FGFR2: variants seen among roughly 807,000 people sequenced by gnomAD.
FGFR2 encodes BEK fibroblast growth factor receptor.
Under a neutral mutation model 95.9 loss-of-function variants are expected in FGFR2, and 19 were observed. The observed-to-expected ratio is 0.20, with a 90% CI of 0.14 to 0.29. The LOEUF is 0.29. Ranked by LOEUF, FGFR2 falls within the 10% of genes least tolerant of loss-of-function variation. The pLI is 1.00. For synonymous variants in FGFR2, 392 were observed against 393.3 expected (o/e 1.00, Z 0.04); for missense variants, 707 against 1,056.9 (o/e 0.67, Z 4.59).
intron 4 of FGFR2, among the ~76,000 whole-genome samples, chr10:121,555,268 G>A (rs185482969): frequency 2.9e-4 from 44 of 152,278 alleles, no homozygotes; most frequent in East Asian, 1.9e-3. Context: ...AGCTACTAGG[G>A]AGGGTGAGGC....
At position 121,480,031 on chromosome 10, in the gene FGFR2, G is replaced by A. The variant is rs1187858184; in HGVS notation, c.2302-10C>T. On this transcript the variant is annotated splice_polypyrimidine_tract_variant and intron_variant, in intron 17 of 17. Coordinates refer to ENST00000358487, the MANE Select transcript of FGFR2 (RefSeq NM_000141.5). The stretch of plus-strand genomic sequence containing the variant: ...TGAGGTCCAAGTATTCCTGAAAGAA[G>A]GGAAGAGAGACGTTTTATTTCATCT... 2.5e-6 allele frequency: 4 copies of A among 1,612,730 alleles called. No individual in the cohort carries two copies. The African/African-American group carries it at 4.0e-5, about 16-fold the overall frequency.
intron 9 of FGFR2, among the ~76,000 whole-genome samples, chr10:121,510,696 CTTGGTCCTA>C (rs1359675452): frequency 1.3e-5 from 2 of 152,166 alleles, no homozygotes; most frequent in Non-Finnish European, 2.9e-5. Context: ...CCCCCTTCAT[CTTGGTCCTA>C]TTCCTAACGT....
rs879253719 is a variant in FGFR2 at position 121,517,464 on chromosome 10, C to T, written c.940-1G>A. ...TGTCCGTGGTGTTAACACCGGCGGC[C>T]TAGAAAACAAGGGAAGCAAAAGAAA... On this transcript the variant is annotated splice_acceptor_variant, in intron 7 of 17. Transcript: ENST00000358487. LOFTEE classifies it high-confidence loss of function. This position sits in a 1 kb window ranked among gnomAD's most constrained non-coding sequence, Gnocchi z 4.7. 6.2e-7 allele frequency: 1 copy of T among 1,614,074 alleles called. No homozygotes were observed. Among genetic ancestry groups the T allele is most frequent in the East Asian group, 2.2e-5 (1 of 44,872 alleles).
chr10:121,481,162 C>T (rs1250562376), intron 17 of FGFR2, among the ~76,000 whole-genome samples: 2 of 152,090 alleles, frequency 1.3e-5, no homozygotes, highest in African/African-American at 4.8e-5. Context: ...GTTGCCGACC[C>T]CTGTTCTGAA....
rs375477615 is a variant in FGFR2 at position 121,565,426 on chromosome 10, G to A, written c.376+12C>T. 42 of 1,613,732 alleles carry A rather than the reference G, an allele frequency of 2.6e-5. No homozygotes were observed. The highest frequency in any genetic ancestry group is 4.5e-5 in the East Asian group (2 of 44,900). The stretch of plus-strand genomic sequence containing the variant: ...AGAGAAGAGAGAGCATAGTGCTGGC[G>A]GGCCAACTCACCTGTGACATTCACC... On this transcript the variant is annotated intron_variant, in intron 3 of 17. Coordinates refer to ENST00000358487, the MANE Select transcript of FGFR2 (RefSeq NM_000141.5).
At chr10:121,577,443 G>A (rs1014312262) in intron 2 of FGFR2, among the ~76,000 whole-genome samples, 1 of 151,982 alleles carries the variant, frequency 6.6e-6, no homozygotes, top group African/African-American at 2.4e-5. Context: ...AGTGTGGAAG[G>A]TCAGGAAATG....
chr10:121,486,424 T>C (rs575862125), intron 15 of FGFR2, among the ~76,000 whole-genome samples: 7 of 152,248 alleles, frequency 4.6e-5, no homozygotes, highest in African/African-American at 1.7e-4. Flanking sequence ...CTCCTGCTCA[T>C]ACAAATAAAA....
intron 11 of FGFR2, 50 bp downstream of exon 11, chr10:121,500,776 A>G (rs574447558): frequency 3.1e-6 from 5 of 1,608,588 alleles, no homozygotes; most frequent in South Asian, 1.1e-5. Flanking sequence ...AACTTTCTTG[A>G]TAAGACTCTC....
At chr10:121,593,679 A>G (rs1863007680) in intron 2 of FGFR2, 30 bp downstream of exon 2, 1 of 1,602,264 alleles carries the variant, frequency 6.2e-7, no homozygotes, top group East Asian at 2.2e-5. Context: ...ATCCCAAAAC[A>G]AACCTGAAAA....
chr10:121,559,657 A>G (rs1169149268), intron 4 of FGFR2, among the ~76,000 whole-genome samples: 1 of 152,218 alleles, frequency 6.6e-6, no homozygotes, highest in Non-Finnish European at 1.5e-5. Flanking sequence ...ACTGCAGAGC[A>G]CCCATTTCAG....
chr10:121,539,743 G>A (rs1197552061), intron 5 of FGFR2, among the ~76,000 whole-genome samples: 1 of 152,204 alleles, frequency 6.6e-6, no homozygotes, highest in Non-Finnish European at 1.5e-5. Flanking sequence ...GACCTTCTGA[G>A]CCATGCCCTG....
chr10:121,532,278 A>G (rs2134492780), intron 6 of FGFR2, among the ~76,000 whole-genome samples: 1 of 152,266 alleles, frequency 6.6e-6, no homozygotes, highest in East Asian at 1.9e-4. Flanking sequence ...CCTAAAAGGT[A>G]ATGGTCAGGC....
intron 13 of FGFR2, among the ~76,000 whole-genome samples, chr10:121,493,076 T>A (rs1332653395): frequency 6.6e-6 from 1 of 152,098 alleles, no homozygotes; most frequent in South Asian, 2.1e-4. Flanking sequence ...ACACATCTGG[T>A]CTCAAACCAT....
At chr10:121,495,882 C>T (rs1242379256) in intron 13 of FGFR2, among the ~76,000 whole-genome samples, 4 of 152,178 alleles carry the variant, frequency 2.6e-5, no homozygotes, top group East Asian at 1.9e-4. Flanking sequence ...AAAATGCCTC[C>T]GAGGACATCT....
intron 5 of FGFR2, among the ~76,000 whole-genome samples, chr10:121,542,600 G>C (rs1293368825): frequency 6.6e-6 from 1 of 152,170 alleles, no homozygotes; most frequent in Non-Finnish European, 1.5e-5. Flanking sequence ...AACAGAACAG[G>C]AGAGCATGGA....
At chr10:121,528,082 T>C (rs796639896) in intron 6 of FGFR2, 9 of 152,230 alleles carry the variant, frequency 5.9e-5, no homozygotes, top group African/African-American at 1.7e-4. Context: ...CCAATTAGAG[T>C]ATCTTCTCTC....
chr10:121,557,163 A>G (rs748667226), intron 4 of FGFR2, among the ~76,000 whole-genome samples: 1 of 152,240 alleles, frequency 6.6e-6, no homozygotes, highest in Admixed American at 6.5e-5. Context: ...CAGTTAGCCC[A>G]TGGGAATTCC....
rs1416453326 is a variant in FGFR2, at chr10:121,479,982, G to C, written c.2341C>G (p.Pro781Ala). 3 of 1,614,174 alleles carry C rather than the reference G, an allele frequency of 1.9e-6. No homozygotes were observed. The East Asian group carries it at 6.7e-5, about 36-fold the overall frequency. The change falls in exon 18 of 18, where the codon CCT becomes GCT. Residue 781 changes from proline (P) to alanine (A), a missense_variant. Physicochemically the swap from Pro to Ala is conservative, Grantham distance 27. Around this residue, in one of 7 missense-constraint regions of FGFR2, gnomAD observed 104 missense variants for 214.2 expected, o/e 0.49. Transcript: ENST00000358487. ...DLSQPLEQYSPSYPDTRSSCS... is the reference protein window; with the variant it reads ...DLSQPLEQYSASYPDTRSSCS... ...GAACTTCTTGTGTCAGGGTAACTAGGTGAATACTGTTCGAGAGGTTGGCTG... is the reference window on the plus strand; with the variant it reads ...GAACTTCTTGTGTCAGGGTAACTAGCTGAATACTGTTCGAGAGGTTGGCTG...
rs1129312 is a variant in FGFR2, at chr10:121,518,698, G to T, written c.940-1235C>A. The T allele has an allele frequency of 6.2e-7, 1 of 1,614,182 alleles. No homozygotes were observed. The highest frequency in any genetic ancestry group is 8.5e-7 in the Non-Finnish European group (1 of 1,180,030). ...CATTGTTACCTTGCTGTTTTGGCAG[G>T]ACAGTGAGCCAGGCAGACTGGTTGG... On this transcript the variant is annotated intron_variant, in intron 7 of 17. Transcript: ENST00000358487. The surrounding 1 kb of genome is among the most constrained non-coding windows in gnomAD (Gnocchi z 4.0).
Sources: gnomAD v4.1 joint callset for allele counts (sites outside exome capture counted in the v4.1 genomes callset) on GRCh38, gnomAD v4.1.1 for gene constraint, gnomAD v4.1.1 regional missense constraint, Gnocchi (gnomAD v3.1) non-coding constraint, MANE v1.5 for transcripts, NCBI Gene and HGNC (gene_info 2026-07-23, HGNC 2026-07-21) for gene names.